The following CDC14B variants were observed in gnomAD, a reference collection of about 807,000 sequenced individuals.
CDC14B encodes dual specificity protein phosphatase CDC14B.
Under a neutral mutation model 64.2 loss-of-function variants are expected in CDC14B, and 22 were observed. The observed-to-expected ratio is 0.34, with a 90% CI of 0.24 to 0.49. The LOEUF is 0.49. Ranked by LOEUF, CDC14B falls within the 20% of genes least tolerant of loss-of-function variation. CDC14B has a pLI of 0.99. For missense variants in CDC14B, 498 were observed against 629.9 expected (o/e 0.79, Z 2.24); for synonymous variants, 191 against 215.8 (o/e 0.89, Z 1.01).
intron 9 of CDC14B, among the ~76,000 whole-genome samples, chr9:96,527,259 C>G (rs542537013): frequency 1.3e-5 from 2 of 151,904 alleles, no homozygotes; most frequent in Non-Finnish European, 2.9e-5. Flanking sequence ...ATTAGCCGGG[C>G]GCGGTGGCGG....
chr9:96,594,017 T>C (rs180993962), intron 1 of CDC14B, among the ~76,000 whole-genome samples: 8 of 152,214 alleles, frequency 5.3e-5, no homozygotes, highest in Admixed American at 6.5e-5. Flanking sequence ...TTTCCAATAC[T>C]AGACAAGATG....
chr9:96,604,002 A>T (rs1473863433), intron 1 of CDC14B, among the ~76,000 whole-genome samples: 1 of 152,172 alleles, frequency 6.6e-6, no homozygotes, highest in Non-Finnish European at 1.5e-5. Flanking sequence ...GAAATAAAAG[A>T]CTTAAAGTGG....
rs932931148 is a variant in CDC14B, at chr9:96,501,538, C to T, written c.*2215G>A. The stretch of plus-strand genomic sequence containing the variant: ...CTTCCTGGATGCTAGAGACAGTCCT[C>T]ATAAGTGTAACACTGCCCTTGCTAT... On this transcript the variant is annotated 3_prime_UTR_variant, in exon 14 of 14. Transcript: ENST00000375241. 3 of 152,418 alleles carry T rather than the reference C, an allele frequency of 2.0e-5. No individual in the cohort carries two copies. Among genetic ancestry groups the T allele is most frequent in the African/African-American group, 4.8e-5 (2 of 41,428 alleles). 9.4% of individuals were successfully genotyped at this position (152,418 alleles called of 1,614,324 possible).
intron 13 of CDC14B, among the ~76,000 whole-genome samples, chr9:96,507,071 A>G (rs1004248353): frequency 6.6e-6 from 1 of 152,226 alleles, no homozygotes; most frequent in East Asian, 1.9e-4. Flanking sequence ...AGGCAGGTGG[A>G]CCACTTGAGG....
intron 1 of CDC14B, among the ~76,000 whole-genome samples, chr9:96,593,488 A>G (rs1253242128): frequency 6.9e-6 from 1 of 145,718 alleles, no homozygotes; most frequent in South Asian, 2.1e-4. Context: ...CTTGGTCTCA[A>G]AAAAAAAAAA....
chr9:96,594,361 G>T (rs73656909), intron 1 of CDC14B, among the ~76,000 whole-genome samples: 7,004 of 152,118 alleles, frequency 0.046, 550 homozygotes, highest in African/African-American at 0.16. Flanking sequence ...ATTTGCAAAG[G>T]GTCCAAAGTA....
At chr9:96,509,585 T>A in intron 13 of CDC14B, 88 bp downstream of exon 13, 1 of 796,666 alleles carries the variant, frequency 1.3e-6, no homozygotes, top group Non-Finnish European at 2.2e-6. Flanking sequence ...TCTCCTAATT[T>A]CATGTCAGTC....
At chr9:96,611,593 A>C (rs1209191824) in intron 1 of CDC14B, among the ~76,000 whole-genome samples, 1 of 152,230 alleles carries the variant, frequency 6.6e-6, no homozygotes, top group Non-Finnish European at 1.5e-5. Context: ...AATACTGGCT[A>C]CTAAAATTCA....
intron 1 of CDC14B, among the ~76,000 whole-genome samples, chr9:96,581,964 C>T (rs757335917): frequency 1.3e-5 from 2 of 152,178 alleles, no homozygotes; most frequent in Non-Finnish European, 2.9e-5. Flanking sequence ...CCTAGTTTAT[C>T]CCCTGCAGCC....
At position 96,523,252 on chromosome 9, in the gene CDC14B, C is replaced by T; in HGVS notation, c.1245+9G>A. ...AGTAACAACATCGCAACAGAAACGG[C>T]TTGATTACCGGTTCGGGTTCTTGCT... On this transcript the variant is annotated intron_variant, in intron 11 of 13. Transcript: ENST00000375241. 1 of 1,613,682 alleles carries T rather than the reference C, an allele frequency of 6.2e-7. No individual in the cohort carries two copies. Among genetic ancestry groups the T allele is most frequent in the Non-Finnish European group, 8.5e-7 (1 of 1,179,804 alleles).
chr9:96,505,990 C>T (rs1045464391), intron 13 of CDC14B, among the ~76,000 whole-genome samples: 2 of 152,168 alleles, frequency 1.3e-5, no homozygotes, highest in Non-Finnish European at 2.9e-5. Context: ...AGCTGAAGAG[C>T]CTCTCAGTAA....
Position 96,515,643 on chromosome 9 carries a change from A to C in CDC14B, c.1344-5854T>G, listed in dbSNP as rs1463052894. On this transcript the variant is annotated intron_variant, in intron 12 of 13. Coordinates refer to ENST00000375241, the MANE Select transcript of CDC14B (RefSeq NM_033331.4). This position sits in a 1 kb window ranked among gnomAD's most constrained non-coding sequence, Gnocchi z 4.3. Reference sequence around the variant, plus strand: ...CAACGGCAGAGAAACAGAACGGGACACTTACAGCAGCTATCTGTCAGGGGG... The same window carrying C: ...CAACGGCAGAGAAACAGAACGGGACCCTTACAGCAGCTATCTGTCAGGGGG... The C allele has an allele frequency of 1.3e-6, 2 of 1,561,154 alleles. No individual in the cohort carries two copies.
At position 96,592,968 on chromosome 9, in the gene CDC14B, C is replaced by G. The variant is rs1845870249; in HGVS notation, c.160+26251G>C. 2.6e-5 allele frequency among the ~76,000 whole-genome samples: 4 copies of G among 152,088 alleles called. No individual in the cohort carries two copies. In the South Asian group the frequency reaches 8.3e-4, roughly 32 times the overall value. ...ATGGAGGTTACAATAACTCCTCAGTCTTTAATTTCTAAACATTGAGGAGTC... is the reference window on the plus strand; with the variant it reads ...ATGGAGGTTACAATAACTCCTCAGTGTTTAATTTCTAAACATTGAGGAGTC... On this transcript the variant is annotated intron_variant, in intron 1 of 13. Transcript: ENST00000375241.
chr9:96,550,273 G>A (rs1208275863), intron 5 of CDC14B, among the ~76,000 whole-genome samples: 1 of 152,188 alleles, frequency 6.6e-6, no homozygotes, highest in African/African-American at 2.4e-5. Flanking sequence ...TAGCAGAAAG[G>A]GATGATACTG....
Position 96,501,616 on chromosome 9 carries a change from C to G in CDC14B, c.*2137G>C, listed in dbSNP as rs570848260. 6.5e-6 allele frequency: 1 copy of G among 152,714 alleles called. No homozygotes were observed. The highest frequency in any genetic ancestry group is 2.1e-4 in the South Asian group (1 of 4,814). The allele number at this position is 152,714 out of a possible 1,614,324, so 9.5% of individuals were successfully genotyped here. ...TACAAGGAATGCCTCTTCACCAAAT[C>G]ACAAGTTTTCTATGACTAATTTCAG... On this transcript the variant is annotated 3_prime_UTR_variant, in exon 14 of 14. Transcript: ENST00000375241.
chr9:96,569,656 G>A (rs963109525), intron 1 of CDC14B, among the ~76,000 whole-genome samples: 5 of 151,704 alleles, frequency 3.3e-5, no homozygotes, highest in South Asian at 2.1e-4. Context: ...ATGGAGTCTC[G>A]CTCTGTTGCC....
At chr9:96,583,157 T>C (rs1345389884) in intron 1 of CDC14B, among the ~76,000 whole-genome samples, 2 of 152,118 alleles carry the variant, frequency 1.3e-5, no homozygotes, top group Non-Finnish European at 2.9e-5. Flanking sequence ...TAGTGGCATG[T>C]TCATCAGAAT....
At chr9:96,555,887 T>C (rs1375960877) in intron 4 of CDC14B, among the ~76,000 whole-genome samples, 1 of 151,990 alleles carries the variant, frequency 6.6e-6, no homozygotes, top group Non-Finnish European at 1.5e-5. Flanking sequence ...AGAGTCCCTG[T>C]GAGAACGCTG....
At chr9:96,509,922 CA>C (rs1237231051) in intron 12 of CDC14B, 133 bp from the exon 13 acceptor site, 4 of 591,788 alleles carry the variant, frequency 6.8e-6, no homozygotes, top group South Asian at 4.6e-5. Context: ...ACACATTTAC[CA>C]AAAAAATCTG....
Sources: allele counts gnomAD v4.1 joint callset (sites outside exome capture counted in the v4.1 genomes callset), GRCh38; gene constraint gnomAD v4.1.1; non-coding constraint Gnocchi (gnomAD v3.1); transcripts MANE v1.5; gene names NCBI Gene and HGNC (gene_info 2026-07-23, HGNC 2026-07-21).